Variants in CSMD1 observed in about 807,000 individuals in gnomAD.
CSMD1 encodes CUB and sushi domain-containing protein 1.
In CSMD1, 213 loss-of-function variants were observed where a neutral mutation model predicts 417.5. The ratio of observed to expected loss-of-function variants is 0.51; its 90% confidence interval spans 0.46 to 0.57. The LOEUF (loss-of-function observed/expected upper bound fraction) is 0.57, where lower values mean the gene tolerates loss of function less well. CSMD1 is among the 20% of genes least tolerant of loss of function. The pLI is 0.00. For synonymous variants in CSMD1, 2,862 were observed against 1,736.8 expected (o/e 1.65, Z -16.11); for missense variants, 6,923 against 4,529.7 (o/e 1.53, Z -15.17).
Position 3,613,779 on chromosome 8 carries a change from T to A in CSMD1, c.1097+2931A>T, listed in dbSNP as rs116627816. On this transcript the variant is annotated intron_variant, in intron 8 of 69. Coordinates refer to ENST00000635120, the MANE Select transcript of CSMD1 (RefSeq NM_033225.6). ...ACAGAAGGATACTTCCTCAAACTGA[T>A]AAAGGGCATCTATGAAAAACCAACA... Among the ~76,000 whole-genome samples the A allele has an allele frequency of 6.5e-3, 970 of 150,336 alleles. 17 individuals carry two copies. The highest frequency in any genetic ancestry group is 0.023 in the African/African-American group (948 of 41,008).
At chr8:3,505,692 G>T (rs892249626) in intron 10 of CSMD1, among the ~76,000 whole-genome samples, 1 of 152,144 alleles carries the variant, frequency 6.6e-6, no homozygotes, top group Non-Finnish European at 1.5e-5. Flanking sequence ...AGAGGTACTG[G>T]ACCAACAACA....
intron 5 of CSMD1, among the ~76,000 whole-genome samples, chr8:3,779,872 A>T (rs995296804): frequency 1.3e-5 from 2 of 152,174 alleles, no homozygotes; most frequent in African/African-American, 4.8e-5. Context: ...TATTTTGAAA[A>T]TTTAGTTTCA....
chr8:4,599,746 C>T (rs1221729372), intron 2 of CSMD1, among the ~76,000 whole-genome samples: 1 of 152,192 alleles, frequency 6.6e-6, no homozygotes, highest in African/African-American at 2.4e-5. Flanking sequence ...TAATTCCAAA[C>T]AATGGTAACA....
intron 4 of CSMD1, among the ~76,000 whole-genome samples, chr8:4,013,195 C>G (rs1421661457): frequency 2.0e-5 from 3 of 152,112 alleles, no homozygotes; most frequent in Admixed American, 6.6e-5. Context: ...ACAGGGCCCA[C>G]TCCTATCCTC....
At chr8:3,689,415 A>T (rs572646392) in intron 7 of CSMD1, among the ~76,000 whole-genome samples, 1 of 152,376 alleles carries the variant, frequency 6.6e-6, no homozygotes, top group East Asian at 1.9e-4. Flanking sequence ...TGTTTCAGGA[A>T]GAAAGGAAAT....
chr8:4,604,891 C>T (rs1427724925), intron 2 of CSMD1, among the ~76,000 whole-genome samples: 2 of 152,148 alleles, frequency 1.3e-5, no homozygotes, highest in Non-Finnish European at 1.5e-5. Context: ...TTGACTCTGA[C>T]GGTGTTCGGG....
chr8:3,991,758 T>C (rs914918647), intron 5 of CSMD1, among the ~76,000 whole-genome samples: 1 of 152,194 alleles, frequency 6.6e-6, no homozygotes, highest in Non-Finnish European at 1.5e-5. Context: ...TGGTCTCAAC[T>C]TTTTTAAAAG....
At chr8:4,575,400 C>T (rs546666403) in intron 2 of CSMD1, among the ~76,000 whole-genome samples, 7 of 152,268 alleles carry the variant, frequency 4.6e-5, no homozygotes, top group African/African-American at 1.7e-4. Flanking sequence ...AAATTTAAGT[C>T]CTGGGTTGTA....
chr8:4,255,731 T>C (rs1306460005), intron 3 of CSMD1, among the ~76,000 whole-genome samples: 1 of 152,234 alleles, frequency 6.6e-6, no homozygotes, highest in African/African-American at 2.4e-5. Context: ...CTACAAAATC[T>C]AAGCATAGAC....
chr8:3,565,182 A>AT (rs1315556343), intron 10 of CSMD1, among the ~76,000 whole-genome samples: 44 of 128,506 alleles, frequency 3.4e-4, no homozygotes, highest in Admixed American at 5.3e-4. Flanking sequence ...AGAAAGAAAG[A>AT]AAGATACATA....
chr8:3,548,659 TACACACACACACACAC>T (rs146360407), intron 10 of CSMD1, among the ~76,000 whole-genome samples: 143 of 133,110 alleles, frequency 1.1e-3, no homozygotes, highest in Middle Eastern at 3.8e-3. Flanking sequence ...TATTCCATCA[TACACACACACACACAC>T]ACACACACAC....
At chr8:4,155,244 G>A (rs764823236) in intron 3 of CSMD1, among the ~76,000 whole-genome samples, 8 of 152,190 alleles carry the variant, frequency 5.3e-5, no homozygotes, top group Non-Finnish European at 1.0e-4. Flanking sequence ...ATGTTGAAAA[G>A]GGGCAGCAGA....
At chr8:4,887,768 AT>A (rs201103680) in intron 1 of CSMD1, among the ~76,000 whole-genome samples, 13 of 151,390 alleles carry the variant, frequency 8.6e-5, no homozygotes, top group South Asian at 4.2e-4. Flanking sequence ...CAATTTTATC[AT>A]TTTTTTTAAA....
intron 10 of CSMD1, among the ~76,000 whole-genome samples, chr8:3,562,635 T>C (rs763270727): frequency 1.1e-4 from 16 of 152,262 alleles, no homozygotes; most frequent in Admixed American, 6.5e-4. Context: ...AAGGCAAATA[T>C]CCTGGATCTG....
chr8:3,451,367 G>A (rs1295950910), intron 12 of CSMD1, among the ~76,000 whole-genome samples: 1 of 152,146 alleles, frequency 6.6e-6, no homozygotes, highest in Non-Finnish European at 1.5e-5. Flanking sequence ...TGCTTTTGGT[G>A]TTTTAGACAT....
chr8:3,771,664 A>G (rs1006649916), intron 5 of CSMD1, among the ~76,000 whole-genome samples: 3 of 152,196 alleles, frequency 2.0e-5, no homozygotes, highest in Non-Finnish European at 4.4e-5. Flanking sequence ...GAAGCAAAAC[A>G]CAGGAGGAAG....
intron 6 of CSMD1, among the ~76,000 whole-genome samples, chr8:3,725,613 T>A (rs375779205): frequency 6.6e-6 from 1 of 152,022 alleles, no homozygotes; most frequent in African/African-American, 2.4e-5. Flanking sequence ...AGAGAGAAGG[T>A]TTCAGGGAAG....
chr8:3,120,704 A>C (rs6982843), intron 41 of CSMD1, among the ~76,000 whole-genome samples: 27 of 148,934 alleles, frequency 1.8e-4, no homozygotes, highest in Admixed American at 6.6e-4. Flanking sequence ...AAAATTAGCC[A>C]GGGGGGGTGA....
At chr8:3,298,517 G>C (rs1188857705) in intron 25 of CSMD1, among the ~76,000 whole-genome samples, 1 of 152,196 alleles carries the variant, frequency 6.6e-6, no homozygotes, top group Non-Finnish European at 1.5e-5. Flanking sequence ...GCAATGGAAT[G>C]ATCGTGGCTC....
Sources: allele counts gnomAD v4.1 joint callset (sites outside exome capture counted in the v4.1 genomes callset), GRCh38; gene constraint gnomAD v4.1.1; transcripts MANE v1.5; gene names NCBI Gene and HGNC (gene_info 2026-07-23, HGNC 2026-07-21).